The following RABGAP1L variants were observed in gnomAD, a reference collection of about 807,000 sequenced individuals.
The protein encoded by RABGAP1L is rab GTPase-activating protein 1-like.
RABGAP1L carries 63 observed loss-of-function variants against 137.7 expected under a neutral mutation model. That is an observed-to-expected ratio of 0.46 (90% CI 0.37 to 0.56). The LOEUF is 0.56. Among genes scored for constraint, RABGAP1L ranks in the 20% least tolerant of loss-of-function variants. RABGAP1L has a pLI of 0.00. For synonymous variants in RABGAP1L, 431 were observed against 433.7 expected (o/e 0.99, Z 0.08); for missense variants, 1,095 against 1,244.0 (o/e 0.88, Z 1.80).
At chr1:174,676,276 A>G (rs1334054168) in intron 14 of RABGAP1L, among the ~76,000 whole-genome samples, 1 of 152,106 alleles carries the variant, frequency 6.6e-6, no homozygotes, top group Non-Finnish European at 1.5e-5. Flanking sequence ...GTAGTTGATG[A>G]AGATGGCCCT....
At chr1:174,830,095 C>G (rs1487805396) in intron 19 of RABGAP1L, among the ~76,000 whole-genome samples, 1 of 148,124 alleles carries the variant, frequency 6.8e-6, no homozygotes, top group Non-Finnish European at 1.5e-5. Context: ...CATGCTTACT[C>G]ATGCTCAGCA....
chr1:174,202,157 T>A (rs1422435546), intron 1 of RABGAP1L, among the ~76,000 whole-genome samples: 1 of 151,476 alleles, frequency 6.6e-6, no homozygotes, highest in African/African-American at 2.4e-5. Flanking sequence ...ATCCTTTGGG[T>A]ATATACCCAG....
At chr1:174,772,743 C>CT (rs926820624) in intron 18 of RABGAP1L, among the ~76,000 whole-genome samples, 2 of 152,036 alleles carry the variant, frequency 1.3e-5, no homozygotes, top group Non-Finnish European at 1.5e-5. Context: ...CTCCCCATTC[C>CT]TTTCTCCCCT....
chr1:174,848,775 T>C (rs887930219), intron 19 of RABGAP1L, among the ~76,000 whole-genome samples: 27 of 150,452 alleles, frequency 1.8e-4, no homozygotes, highest in Non-Finnish European at 3.0e-4. Flanking sequence ...GCTTCCCGGC[T>C]GCTTTGTTTA....
At chr1:174,303,626 A>T (rs1479375103) in intron 10 of RABGAP1L, among the ~76,000 whole-genome samples, 2 of 152,160 alleles carry the variant, frequency 1.3e-5, no homozygotes, top group Non-Finnish European at 2.9e-5. Flanking sequence ...TTTTTTAGTT[A>T]TCTAAAATAT....
chr1:174,919,043 G>GAGTCT (rs1329643243), intron 19 of RABGAP1L, among the ~76,000 whole-genome samples: 1 of 146,730 alleles, frequency 6.8e-6, no homozygotes, highest in Non-Finnish European at 1.5e-5. Flanking sequence ...TTTTGAGACA[G>GAGTCT]AGTCTTGCTC....
chr1:174,633,363 A>C (rs1370804227), intron 13 of RABGAP1L, among the ~76,000 whole-genome samples: 1 of 148,324 alleles, frequency 6.7e-6, no homozygotes, highest in African/African-American at 2.5e-5. Flanking sequence ...ACTACAAACC[A>C]CTGCTCAAGG....
chr1:174,238,340 A>G (rs9729753), intron 4 of RABGAP1L, among the ~76,000 whole-genome samples: 5,521 of 151,974 alleles, frequency 0.036, 359 homozygotes, highest in African/African-American at 0.13. Context: ...AGGAGGAGAG[A>G]CGCTCTGCGT....
intron 13 of RABGAP1L, among the ~76,000 whole-genome samples, chr1:174,598,599 T>C (rs1453678595): frequency 6.6e-6 from 1 of 152,218 alleles, no homozygotes; most frequent in Admixed American, 6.5e-5. Context: ...TGTTGATGCA[T>C]ATAAATTTAT....
intron 13 of RABGAP1L, among the ~76,000 whole-genome samples, chr1:174,578,358 G>A (rs1443694238): frequency 6.6e-6 from 1 of 151,942 alleles, no homozygotes; most frequent in Non-Finnish European, 1.5e-5. Context: ...CTAATTTTTT[G>A]ATTTTTTTAT....
chr1:174,379,377 C>A (rs1217997795), intron 12 of RABGAP1L, among the ~76,000 whole-genome samples: 1 of 148,050 alleles, frequency 6.8e-6, no homozygotes, highest in Non-Finnish European at 1.5e-5. Flanking sequence ...TTACCTTGGG[C>A]AGTATGGCCA....
intron 19 of RABGAP1L, among the ~76,000 whole-genome samples, chr1:174,846,206 T>A (rs1694030844): frequency 6.8e-6 from 1 of 146,710 alleles, no homozygotes; most frequent in African/African-American, 2.5e-5. Flanking sequence ...TTTTGAAGGG[T>A]TTTTTGTGTC....
At chr1:174,665,544 C>T (rs1206268594) in intron 14 of RABGAP1L, among the ~76,000 whole-genome samples, 1 of 151,956 alleles carries the variant, frequency 6.6e-6, no homozygotes, top group Non-Finnish European at 1.5e-5. Context: ...TAACCTCTGC[C>T]TCCTGGATTC....
chr1:174,763,469 T>G lies in RABGAP1L; in HGVS notation c.2211+11115T>G, dbSNP rs970140788. Among the ~76,000 whole-genome samples, 108 of 150,368 alleles carry G rather than the reference T, an allele frequency of 7.2e-4. 1 individual carries two copies. Among genetic ancestry groups the G allele is most frequent in the African/African-American group, 2.4e-3 (100 of 40,976 alleles). On this transcript the variant is annotated intron_variant, in intron 18 of 25. Transcript: ENST00000681986. ...ATCGAGACCATCCTGGCTAACACGG[T>G]GAAACCCCGTCTCTACTAAAAATAC...
intron 5 of RABGAP1L, among the ~76,000 whole-genome samples, chr1:174,243,366 G>A (rs532811668): frequency 5.2e-4 from 79 of 152,174 alleles, no homozygotes; most frequent in African/African-American, 1.8e-3. Flanking sequence ...ATTGCACGTT[G>A]TAAGAAAGTT....
At chr1:174,335,125 GTTTCT>G (rs1681365790) in intron 11 of RABGAP1L, among the ~76,000 whole-genome samples, 1 of 152,002 alleles carries the variant, frequency 6.6e-6, no homozygotes, top group Non-Finnish European at 1.5e-5. Flanking sequence ...GGAAGTAATA[GTTTCT>G]TTTCTTTTAT....
At position 174,441,850 on chromosome 1, in the gene RABGAP1L, T is replaced by C. The variant is rs1210234478; in HGVS notation, c.1710+47705T>C. 1.3e-5 allele frequency among the ~76,000 whole-genome samples: 2 copies of C among 151,124 alleles called. 1 individual carries two copies. On this transcript the variant is annotated intron_variant, in intron 13 of 25. Transcript: ENST00000681986. ...GCTGCTGAAGCTTTTTTTTTTTTTT[T>C]AAAGTTGGTGGAAAGAAAGAGGGAG... is the stretch of plus-strand genomic sequence containing the variant.
intron 19 of RABGAP1L, among the ~76,000 whole-genome samples, chr1:174,890,869 A>AC (rs1376482232): frequency 2.0e-5 from 3 of 152,078 alleles, no homozygotes; most frequent in Non-Finnish European, 4.4e-5. Context: ...AATATGTGTA[A>AC]CCAACTCCCT....
intron 19 of RABGAP1L, among the ~76,000 whole-genome samples, chr1:174,866,071 G>A (rs1046956801): frequency 1.4e-5 from 2 of 143,726 alleles, no homozygotes; most frequent in Non-Finnish European, 3.0e-5. Context: ...ATGTATCTTT[G>A]AGAGAGAGTG....
Sources: allele counts gnomAD v4.1 joint callset (sites outside exome capture counted in the v4.1 genomes callset), GRCh38; gene constraint gnomAD v4.1.1; transcripts MANE v1.5; gene names NCBI Gene and HGNC (gene_info 2026-07-23, HGNC 2026-07-21).